Variants in PCM1 observed in about 807,000 individuals in gnomAD.
PCM1 encodes the protein pericentriolar material 1.
A neutral mutation model predicts 241.9 loss-of-function variants in PCM1; 157 were observed. The ratio of observed to expected loss-of-function variants is 0.65; its 90% CI spans 0.57 to 0.74. The LOEUF is 0.74. PCM1 is among the 30% of genes least tolerant of loss of function. The probability of loss-of-function intolerance (pLI) is 0.00; values close to 1 mark genes in which losing one functional copy is unlikely to be tolerated. For synonymous variants in PCM1, 1,085 were observed against 784.9 expected (o/e 1.38, Z -6.39); for missense variants, 3,478 against 2,360.1 (o/e 1.47, Z -9.81).
chr8:17,987,030 T>G (rs2082838351), intron 26 of PCM1, among the ~76,000 whole-genome samples: 1 of 151,848 alleles, frequency 6.6e-6, no homozygotes, highest in Non-Finnish European at 1.5e-5. Context: ...TACTCGTGTT[T>G]AAAATAATAA....
intron 6 of PCM1, among the ~76,000 whole-genome samples, chr8:17,943,459 T>TA (rs1187832266): frequency 2.0e-5 from 3 of 152,210 alleles, no homozygotes; most frequent in African/African-American, 7.2e-5. Flanking sequence ...TTATTCTCTT[T>TA]AATCCTTCTG....
intron 36 of PCM1, among the ~76,000 whole-genome samples, chr8:18,018,852 G>GTGTA (rs1409126217): frequency 3.2e-3 from 173 of 53,734 alleles, no homozygotes; most frequent in Non-Finnish European, 5.4e-3. Flanking sequence ...GTGTGTGTGT[G>GTGTA]TATATATATA....
rs371881114 is a variant in PCM1, at chr8:17,957,723, T to C, written c.1988T>C (p.Met663Thr). 99 of 1,613,622 alleles carry C rather than the reference T, an allele frequency of 6.1e-5. No individual in the cohort carries two copies. The Middle Eastern group carries it at 1.5e-3, about 24-fold the overall frequency. Reference protein sequence around the residue: ...AEFEQKINRLMAAKQKLRQLQ... With the variant: ...AEFEQKINRLTAAKQKLRQLQ... The stretch of plus-strand genomic sequence containing the variant: ...TTTGAACAGAAGATCAACCGACTTA[T>C]GGCTGCAAAACAGAAACTTAGACAG... Residue 663 changes from methionine (M) to threonine (T), a missense_variant, in exon 13 of 39, where the codon ATG (methionine) becomes ACG (threonine). Transcript: ENST00000325083.
chr8:17,967,464 G>A (rs2075331715), intron 21 of PCM1, among the ~76,000 whole-genome samples: 1 of 151,852 alleles, frequency 6.6e-6, no homozygotes, highest in South Asian at 2.1e-4. Context: ...ATGTGCCACC[G>A]TGCCCAGCTA....
intron 8 of PCM1, among the ~76,000 whole-genome samples, chr8:17,951,304 A>T (rs1013836913): frequency 2.3e-4 from 35 of 152,230 alleles, no homozygotes; most frequent in African/African-American, 8.4e-4. Context: ...ATGATTGAAG[A>T]TGCAGTGTCT....
chr8:17,998,727 G>A (rs1424863589), intron 29 of PCM1, among the ~76,000 whole-genome samples: 2 of 152,182 alleles, frequency 1.3e-5, no homozygotes, highest in Non-Finnish European at 2.9e-5. Flanking sequence ...ACTATTAGCA[G>A]GTGGGGAAGC....
At chr8:18,025,762 T>A (rs1192838169) in intron 38 of PCM1, 104 bp downstream of exon 38, 15 of 641,578 alleles carry the variant, frequency 2.3e-5, no homozygotes, top group South Asian at 4.1e-5. Context: ...CCTGGGAGAT[T>A]TAAGCCAAAT....
intron 30 of PCM1, among the ~76,000 whole-genome samples, chr8:18,006,804 C>T (rs1294756415): frequency 1.3e-5 from 2 of 152,070 alleles, no homozygotes; most frequent in Non-Finnish European, 2.9e-5. Flanking sequence ...TTAGGGTGTA[C>T]CAGTACGCTT....
intron 6 of PCM1, among the ~76,000 whole-genome samples, chr8:17,941,583 G>A (rs115900045): frequency 0.011 from 1,601 of 151,434 alleles, 26 homozygotes; most frequent in African/African-American, 0.037. Context: ...GTTTTACAAG[G>A]CTGGCTTATA....
At chr8:17,997,166 T>G (rs2087160638) in intron 29 of PCM1, among the ~76,000 whole-genome samples, 1 of 152,234 alleles carries the variant, frequency 6.6e-6, no homozygotes, top group Non-Finnish European at 1.5e-5. Context: ...GATGTACTAT[T>G]CTAGGGTAAA....
At chr8:17,946,721 C>G (rs1474598393) in intron 6 of PCM1, among the ~76,000 whole-genome samples, 2 of 152,084 alleles carry the variant, frequency 1.3e-5, no homozygotes, top group Non-Finnish European at 2.9e-5. Flanking sequence ...GTCTCAAACT[C>G]CTGACCTTGT....
intron 16 of PCM1, among the ~76,000 whole-genome samples, chr8:17,962,477 G>C (rs1341104435): frequency 6.6e-6 from 1 of 151,994 alleles, no homozygotes; most frequent in African/African-American, 2.4e-5. Flanking sequence ...AAATATATAG[G>C]GGGGTAGTTG....
At chr8:17,948,818 C>T (rs545537612) in intron 7 of PCM1, among the ~76,000 whole-genome samples, 1 of 152,038 alleles carries the variant, frequency 6.6e-6, no homozygotes, top group Non-Finnish European at 1.5e-5. Context: ...AAATATTTTT[C>T]GAGTTTGGAA....
At chr8:17,965,092 T>TA (rs138951747) in intron 18 of PCM1, among the ~76,000 whole-genome samples, 3,252 of 152,262 alleles carry the variant, frequency 0.021, 125 homozygotes, top group African/African-American at 0.075. Flanking sequence ...GGAAAAGACT[T>TA]ACTTACGTTT....
At chr8:17,966,596 G>C (rs1043539401) in intron 20 of PCM1, 123 bp downstream of exon 20, 7 of 771,332 alleles carry the variant, frequency 9.1e-6, no homozygotes, top group Non-Finnish European at 1.4e-5. Context: ...TCTTTCCCTT[G>C]AGAATTTTAT....
intron 24 of PCM1, among the ~76,000 whole-genome samples, chr8:17,981,181 C>A (rs1201742785): frequency 6.6e-6 from 1 of 152,196 alleles, no homozygotes; most frequent in East Asian, 1.9e-4. Flanking sequence ...TTTCTCAACA[C>A]ACTCTGCCTT....
intron 24 of PCM1, chr8:17,983,159 A>G: frequency 6.4e-6 from 4 of 628,148 alleles, no homozygotes; most frequent in Non-Finnish European, 9.4e-6. Context: ...TCATTCACTT[A>G]TTCATGTTAT....
chr8:17,948,527 A>T (rs1211000193), intron 7 of PCM1, among the ~76,000 whole-genome samples: 1 of 149,622 alleles, frequency 6.7e-6, no homozygotes, highest in African/African-American at 2.5e-5. Flanking sequence ...CTGGTCTTGA[A>T]CTCCTGACCT....
chr8:17,946,040 A>G (rs1280301611), intron 6 of PCM1, among the ~76,000 whole-genome samples: 1 of 152,304 alleles, frequency 6.6e-6, no homozygotes, highest in African/African-American at 2.4e-5. Context: ...AGCTTGTAAT[A>G]TATTGTTTCC....
Sources: allele counts gnomAD v4.1 joint callset (sites outside exome capture counted in the v4.1 genomes callset), GRCh38; gene constraint gnomAD v4.1.1; transcripts MANE v1.5; gene names NCBI Gene and HGNC (gene_info 2026-07-23, HGNC 2026-07-21).